The following ZNF385D variants were observed in gnomAD, a reference collection of about 807,000 sequenced individuals.
The protein encoded by ZNF385D is zinc finger protein 659.
A neutral mutation model predicts 35.8 loss-of-function variants in ZNF385D; 15 were observed. The ratio of observed to expected loss-of-function variants is 0.42; its 90% CI spans 0.28 to 0.64. ZNF385D has a LOEUF of 0.64. ZNF385D is among the 30% of genes least tolerant of loss of function. The probability of loss-of-function intolerance (pLI) is 0.23; values close to 1 mark genes in which losing one functional copy is unlikely to be tolerated. For synonymous variants in ZNF385D, 212 were observed against 186.8 expected (o/e 1.13, Z -1.10); for missense variants, 474 against 494.6 (o/e 0.96, Z 0.39).
At chr3:21,694,285 T>C (rs550081323) in intron 1 of ZNF385D, among the ~76,000 whole-genome samples, 1 of 151,988 alleles carries the variant, frequency 6.6e-6, no homozygotes, top group African/African-American at 2.4e-5. Flanking sequence ...TCCACCCACC[T>C]TGGCCTCCCA....
chr3:21,871,418 A>T (rs1697684903), intron 3 of ZNF385D, among the ~76,000 whole-genome samples: 1 of 152,160 alleles, frequency 6.6e-6, no homozygotes. Flanking sequence ...ATTTAAAATT[A>T]TGTTTATTGT....
chr3:22,066,168 G>C (rs1699938445), intron 3 of ZNF385D, among the ~76,000 whole-genome samples: 1 of 151,990 alleles, frequency 6.6e-6, no homozygotes, highest in Admixed American at 6.6e-5. Context: ...TGCATATTTT[G>C]TGTTCAGTTC....
chr3:22,084,143 G>A (rs866236216), intron 3 of ZNF385D, among the ~76,000 whole-genome samples: 20 of 152,296 alleles, frequency 1.3e-4, no homozygotes, highest in Middle Eastern at 6.8e-3. Flanking sequence ...AAATTGTAAC[G>A]ACCATCGTTG....
At chr3:21,791,940 G>C (rs2071947167) in intron 3 of ZNF385D, among the ~76,000 whole-genome samples, 1 of 152,006 alleles carries the variant, frequency 6.6e-6, no homozygotes, top group Admixed American at 6.6e-5. Flanking sequence ...TCACCATCTT[G>C]GCTAGGATGG....
At chr3:22,185,431 A>G (rs1035100444) in intron 2 of ZNF385D, among the ~76,000 whole-genome samples, 1 of 152,134 alleles carries the variant, frequency 6.6e-6, no homozygotes, top group African/African-American at 2.4e-5. Context: ...CCTAAAACAA[A>G]TAATACATGT....
In ZNF385D at chr3:21,424,053, A is replaced by G. The variant is rs1237179061; in HGVS notation, c.864T>C (p.Ser288=). 1 of 1,592,304 alleles carries G rather than the reference A, an allele frequency of 6.3e-7. No homozygotes were observed. The highest frequency in any genetic ancestry group is 2.4e-5 in the East Asian group (1 of 42,534). The change falls in exon 7 of 8, where the codon AGT becomes AGC. Residue 288 remains serine (S), a synonymous_variant. Coordinates refer to ENST00000281523, the MANE Select transcript of ZNF385D (RefSeq NM_024697.3). The part of the protein sequence containing the change: ...SETQLKQHIS[S]RRHKDRAAGK... ...CAGCAGCTCTGTCTTTGTGCCTTCT[A>G]CTGCTAATGTGCTATTAAAAGTAAT...
chr3:21,689,745 T>C (rs2125339130), intron 1 of ZNF385D, among the ~76,000 whole-genome samples: 1 of 152,280 alleles, frequency 6.6e-6, no homozygotes, highest in Middle Eastern at 3.4e-3. Context: ...CACACATTTC[T>C]GGGCCTTACC....
At chr3:22,128,044 T>G (rs1327024086) in intron 3 of ZNF385D, among the ~76,000 whole-genome samples, 1 of 152,208 alleles carries the variant, frequency 6.6e-6, no homozygotes, top group African/African-American at 2.4e-5. Flanking sequence ...AAAACTCTCT[T>G]TAGCCATTCT....
rs2065987691 is a variant in ZNF385D, at chr3:21,653,620, ATTAT to A, written c.165+11262_165+11265del. ...AAAAACAAACTTGAAGCTCAAAATA[ATTAT>A]TTATCTGCCTCATTCCAAACAAGGC... is the stretch of plus-strand genomic sequence containing the variant. On this transcript the variant is annotated intron_variant, in intron 2 of 7. Transcript: ENST00000281523. Among the ~76,000 whole-genome samples the A allele has an allele frequency of 2.6e-5, 4 of 152,204 alleles. No individual in the cohort carries two copies. The South Asian group carries it at 8.3e-4, about 32-fold the overall frequency.
intron 2 of ZNF385D, among the ~76,000 whole-genome samples, chr3:21,603,588 G>A (rs1044278369): frequency 9.9e-5 from 15 of 152,192 alleles, no homozygotes; most frequent in African/African-American, 3.6e-4. Flanking sequence ...CTCTAAACAA[G>A]TGACAACTGC....
chr3:21,594,017 C>T (rs767986386), intron 2 of ZNF385D, among the ~76,000 whole-genome samples: 1 of 152,080 alleles, frequency 6.6e-6, no homozygotes, highest in Non-Finnish European at 1.5e-5. Flanking sequence ...GTTTAACTAC[C>T]AGCAGACAGT....
At chr3:21,860,127 A>G (rs762990594) in intron 3 of ZNF385D, among the ~76,000 whole-genome samples, 1 of 152,140 alleles carries the variant, frequency 6.6e-6, no homozygotes, top group Non-Finnish European at 1.5e-5. Flanking sequence ...ATTAACAACT[A>G]CAGAAGTATA....
At chr3:22,187,874 G>T (rs982126445) in intron 2 of ZNF385D, among the ~76,000 whole-genome samples, 1 of 152,060 alleles carries the variant, frequency 6.6e-6, no homozygotes, top group Admixed American at 6.6e-5. Flanking sequence ...TTTCTCCCAG[G>T]GTAGCTGTGG....
Position 21,539,624 on chromosome 3 carries a change from C to T in ZNF385D, c.276+24950G>A, listed in dbSNP as rs908692856. ...CAGATTTTATAAAGTGATAAAAATA[C>T]AACAAAATACAAGAAAGAGAAAAAT... On this transcript the variant is annotated intron_variant, in intron 3 of 7. Coordinates refer to ENST00000281523, the MANE Select transcript of ZNF385D (RefSeq NM_024697.3). The surrounding 1 kb of genome is among the most constrained non-coding windows in gnomAD (Gnocchi z 4.0). Among the ~76,000 whole-genome samples, 2 of 151,434 alleles carry T rather than the reference C, an allele frequency of 1.3e-5. No homozygotes were observed. The highest frequency in any genetic ancestry group is 6.6e-5 in the Admixed American group (1 of 15,216).
intron 3 of ZNF385D, among the ~76,000 whole-genome samples, chr3:22,114,126 T>C (rs192452723): frequency 3.9e-5 from 6 of 152,240 alleles, no homozygotes; most frequent in African/African-American, 1.4e-4. Context: ...TTACAGTAAC[T>C]GGATGAAAAC....
At chr3:22,090,689 G>A (rs185362498) in intron 3 of ZNF385D, among the ~76,000 whole-genome samples, 3 of 152,140 alleles carry the variant, frequency 2.0e-5, no homozygotes, top group South Asian at 4.2e-4. Flanking sequence ...TGAAATTTAG[G>A]GTACCAATTG....
chr3:21,844,900 G>A (rs1385665854), intron 3 of ZNF385D, among the ~76,000 whole-genome samples: 1 of 151,822 alleles, frequency 6.6e-6, no homozygotes, highest in Non-Finnish European at 1.5e-5. Flanking sequence ...GATCTTGGTG[G>A]ACTTTAGAAT....
At chr3:21,989,678 AT>A (rs1260809537) in intron 3 of ZNF385D, among the ~76,000 whole-genome samples, 1 of 136,650 alleles carries the variant, frequency 7.3e-6, no homozygotes, top group Non-Finnish European at 1.6e-5. Context: ...CACAATAATA[AT>A]AAAAAAAAAA....
intron 3 of ZNF385D, among the ~76,000 whole-genome samples, chr3:21,770,348 G>A (rs557590943): frequency 1.3e-5 from 2 of 152,034 alleles, no homozygotes; most frequent in African/African-American, 4.8e-5. Context: ...ATCTGACAAA[G>A]GGCTAATATC....
Sources: allele counts gnomAD v4.1 joint callset (sites outside exome capture counted in the v4.1 genomes callset), GRCh38; gene constraint gnomAD v4.1.1; non-coding constraint Gnocchi (gnomAD v3.1); transcripts MANE v1.5; gene names NCBI Gene and HGNC (gene_info 2026-07-23, HGNC 2026-07-21).